Variants in ZNF618 observed in about 807,000 individuals in gnomAD.
ZNF618 encodes zinc finger protein 618.
Under a neutral mutation model 103.0 loss-of-function variants are expected in ZNF618, and 34 were observed. The observed-to-expected ratio is 0.33, with a 90% confidence interval of 0.25 to 0.44. The LOEUF is 0.44. Among genes scored for constraint, ZNF618 ranks in the 20% least tolerant of loss-of-function variants. The pLI is 1.00. For synonymous variants in ZNF618, 551 were observed against 542.2 expected (o/e 1.02, Z -0.23); for missense variants, 1,059 against 1,295.4 (o/e 0.82, Z 2.80).
intron 10 of ZNF618, among the ~76,000 whole-genome samples, chr9:114,026,918 G>A (rs1230375723): frequency 6.6e-6 from 1 of 152,128 alleles, no homozygotes; most frequent in East Asian, 1.9e-4. Flanking sequence ...CAAGATTGTG[G>A]AGGCCGAGGG....
chr9:113,890,925 A>G (rs1829563217), intron 1 of ZNF618, among the ~76,000 whole-genome samples: 1 of 151,836 alleles, frequency 6.6e-6, no homozygotes, highest in African/African-American at 2.4e-5. Context: ...TGCCTGTTCA[A>G]CCTTTTTGCC....
At chr9:113,907,186 C>T (rs1831062291) in intron 1 of ZNF618, among the ~76,000 whole-genome samples, 1 of 152,310 alleles carries the variant, frequency 6.6e-6, no homozygotes, top group African/African-American at 2.4e-5. Flanking sequence ...ATTTGATTCT[C>T]TTGTTGGAGT....
At chr9:113,977,276 C>T (rs957303838) in intron 2 of ZNF618, among the ~76,000 whole-genome samples, 3 of 152,132 alleles carry the variant, frequency 2.0e-5, no homozygotes, top group African/African-American at 4.8e-5. Context: ...TCTGCTGGGG[C>T]GCTTCCTTAT....
chr9:114,032,775 C>T (rs530617284), intron 12 of ZNF618, 47 bp downstream of exon 12: 42 of 1,560,592 alleles, frequency 2.7e-5, no homozygotes, highest in African/African-American at 2.4e-4. Flanking sequence ...CTGCCAGCTT[C>T]GCCCGCTCCC....
chr9:113,879,178 G>C lies in ZNF618; in HGVS notation c.33+2765G>C, dbSNP rs142051436. Among the ~76,000 whole-genome samples, 922 of 151,878 alleles carry C rather than the reference G, an allele frequency of 6.1e-3. 5 individuals carry two copies. The highest frequency in any genetic ancestry group is 0.01 in the Non-Finnish European group (702 of 67,934). ...AGAGATGGGCTGGGGAGGGGTGGAG[G>C]GGGGTAGGGGCATCTGAGAAAAAGT... On this transcript the variant is annotated intron_variant, in intron 1 of 14. Coordinates refer to ENST00000374126, the MANE Select transcript of ZNF618 (RefSeq NM_001318042.2).
intron 3 of ZNF618, among the ~76,000 whole-genome samples, chr9:113,993,539 A>G (rs1210267383): frequency 6.6e-6 from 1 of 152,220 alleles, no homozygotes; most frequent in Non-Finnish European, 1.5e-5. Flanking sequence ...ATGGTGGTCC[A>G]GGTGTACTGT....
In ZNF618 at chr9:114,053,161, T is replaced by TA. The variant is rs1237759900; in HGVS notation, c.*2996dup. 1.3e-5 allele frequency: 2 copies of TA among 152,622 alleles called. No homozygotes were observed. Among genetic ancestry groups the TA allele is most frequent in the East Asian group, 3.9e-4 (2 of 5,192 alleles). The allele number at this position is 152,622 out of a possible 1,614,324, so 9.5% of individuals were successfully genotyped here. ...CTCAGAGTGCAAATCCTGCTGCAAC[T>TA]AACAGCTTAATAAAACCCAAAGATC... On this transcript the variant is annotated 3_prime_UTR_variant, in exon 15 of 15. Transcript: ENST00000374126.
intron 4 of ZNF618, among the ~76,000 whole-genome samples, chr9:113,999,308 G>A (rs1181927645): frequency 6.6e-5 from 10 of 150,700 alleles, no homozygotes; most frequent in Non-Finnish European, 1.3e-4. Flanking sequence ...AGGGGCAGGC[G>A]GGGCCCTGGG....
rs1280774243 is a variant in ZNF618, at chr9:114,050,963, G to A, written c.*796G>A. The A allele has an allele frequency of 1.3e-5, 2 of 152,636 alleles. No individual in the cohort carries two copies. The highest frequency in any genetic ancestry group is 4.8e-5 in the African/African-American group (2 of 41,432). The allele number at this position is 152,636 out of a possible 1,614,324, so 9.5% of individuals were successfully genotyped here. On this transcript the variant is annotated 3_prime_UTR_variant, in exon 15 of 15. Transcript: ENST00000374126. ...CAAATCAGGAAAGGAGACTTAAAGA[G>A]TATAAAGCTGACATTTTGCTTTTTA...
chr9:113,921,850 T>C (rs1270367553), intron 1 of ZNF618, among the ~76,000 whole-genome samples: 2 of 152,224 alleles, frequency 1.3e-5, no homozygotes, highest in African/African-American at 2.4e-5. Flanking sequence ...CTTCGGATGC[T>C]TCCTTTGTAT....
At position 113,988,450 on chromosome 9, in the gene ZNF618, C is replaced by T; in HGVS notation, c.207C>T (p.Asp69=). 6.2e-7 allele frequency: 1 copy of T among 1,613,664 alleles called. No individual in the cohort carries two copies. Among genetic ancestry groups the T allele is most frequent in the Non-Finnish European group, 8.5e-7 (1 of 1,179,906 alleles). Residue 69 remains aspartate (D), a synonymous_variant, in exon 3 of 15, where the codon GAC becomes GAT. Coordinates refer to ENST00000374126, the MANE Select transcript of ZNF618 (RefSeq NM_001318042.2). ...EVKVKTELPD[D]YIQEVIWQGE... is the part of the protein sequence containing the mutation. Reference sequence around the variant, plus strand: ...AGGTGAAGACAGAGCTGCCCGATGACTACATCCAGGAGGTGATCTGGCAGG... The same window carrying T: ...AGGTGAAGACAGAGCTGCCCGATGATTACATCCAGGAGGTGATCTGGCAGG...
chr9:113,998,312 T>G lies in ZNF618; in HGVS notation c.391T>G (p.Ser131Ala), dbSNP rs1386056590. Residue 131 changes from serine to alanine, a missense_variant, in exon 4 of 15, where the codon TCA (serine) becomes GCA (alanine). Coordinates refer to ENST00000374126, the MANE Select transcript of ZNF618 (RefSeq NM_001318042.2). Reference protein sequence around the residue: ...PHGGSVRSRYSGTWIFDQALR... With the variant: ...PHGGSVRSRYAGTWIFDQALR... Reference sequence around the variant, plus strand: ...CGGTGGATCTGTGCGAAGCCGGTATTCAGGGACCTGGATTTTTGACCAAGC... The same window carrying G: ...CGGTGGATCTGTGCGAAGCCGGTATGCAGGGACCTGGATTTTTGACCAAGC... The G allele has an allele frequency of 1.3e-6, 2 of 1,550,468 alleles. No homozygotes were observed. The highest frequency in any genetic ancestry group is 2.7e-5 in the African/African-American group (2 of 73,034).
At chr9:113,906,019 A>G (rs1042343812) in intron 1 of ZNF618, among the ~76,000 whole-genome samples, 4 of 152,018 alleles carry the variant, frequency 2.6e-5, no homozygotes, top group African/African-American at 7.3e-5. Context: ...ATATATTTCG[A>G]TCAGTTTCTT....
chr9:113,889,739 C>T (rs1829448008), intron 1 of ZNF618, among the ~76,000 whole-genome samples: 2 of 152,208 alleles, frequency 1.3e-5, no homozygotes, highest in South Asian at 4.1e-4. Context: ...ATCTCTCTCT[C>T]TACCCACTCA....
intron 1 of ZNF618, among the ~76,000 whole-genome samples, chr9:113,936,606 C>T (rs1037318665): frequency 6.6e-6 from 1 of 152,144 alleles, no homozygotes; most frequent in Non-Finnish European, 1.5e-5. Context: ...CCCTCTGAAG[C>T]TCGTCTGTGT....
chr9:113,976,161 A>G (rs1838449670), intron 2 of ZNF618, among the ~76,000 whole-genome samples: 2 of 152,324 alleles, frequency 1.3e-5, no homozygotes, highest in Non-Finnish European at 1.5e-5. Flanking sequence ...ACGTCCATCA[A>G]GATCCGTGAG....
chr9:113,938,889 A>T (rs1033635203), intron 1 of ZNF618, among the ~76,000 whole-genome samples: 1 of 151,926 alleles, frequency 6.6e-6, no homozygotes, highest in Admixed American at 6.6e-5. Context: ...ATATTTTCTG[A>T]TTGATTATTG....
At chr9:113,894,081 A>G (rs1164004420) in intron 1 of ZNF618, among the ~76,000 whole-genome samples, 1 of 152,218 alleles carries the variant, frequency 6.6e-6, no homozygotes, top group Non-Finnish European at 1.5e-5. Context: ...CTATCCTTGC[A>G]TTATTTTTTT....
intron 2 of ZNF618, among the ~76,000 whole-genome samples, chr9:113,979,540 A>G (rs1474388736): frequency 6.6e-6 from 1 of 152,266 alleles, no homozygotes; most frequent in Non-Finnish European, 1.5e-5. Context: ...GTCATTCTTC[A>G]GTTCTGAATA....
Sources: gnomAD v4.1 joint callset for allele counts (sites outside exome capture counted in the v4.1 genomes callset) on GRCh38, gnomAD v4.1.1 for gene constraint, MANE v1.5 for transcripts, NCBI Gene and HGNC (gene_info 2026-07-23, HGNC 2026-07-21) for gene names.